NFIC: variants seen among roughly 807,000 people sequenced by gnomAD.
The protein encoded by NFIC is nuclear factor I C, also known as nuclear factor 1 C-type.
In NFIC, 12 loss-of-function variants were observed where a neutral mutation model predicts 54.4. The observed-to-expected ratio is 0.22, with a 90% confidence interval of 0.14 to 0.36. NFIC has a LOEUF of 0.36. NFIC is among the 10% of genes least tolerant of loss of function. The pLI is 1.00. For synonymous variants in NFIC, 322 were observed against 319.2 expected (o/e 1.01, Z -0.09); for missense variants, 575 against 718.2 (o/e 0.80, Z 2.28).
At position 3,453,206 on chromosome 19, in the gene NFIC, C is replaced by G. The variant is rs1463488504; in HGVS notation, c.1269+540C>G. 6.6e-6 allele frequency among the ~76,000 whole-genome samples: 1 copy of G among 151,986 alleles called. No individual in the cohort carries two copies. The highest frequency in any genetic ancestry group is 1.5e-5 in the Non-Finnish European group (1 of 67,976). On this transcript the variant is annotated intron_variant, in intron 8 of 10. Coordinates refer to ENST00000443272, the MANE Select transcript of NFIC (RefSeq NM_001245002.2). The surrounding 1 kb of genome is among the most constrained non-coding windows in gnomAD (Gnocchi z 6.7). Reference sequence around the variant, plus strand: ...GTGAGCTGTGATTGTGCCACTGCACCCCAGCCTGGGTGACAGAACGAGACC... The same window carrying G: ...GTGAGCTGTGATTGTGCCACTGCACGCCAGCCTGGGTGACAGAACGAGACC...
intron 2 of NFIC, among the ~76,000 whole-genome samples, chr19:3,417,092 A>C (rs8106306): frequency 6.7e-6 from 1 of 149,580 alleles, no homozygotes; most frequent in African/African-American, 2.4e-5. Flanking sequence ...TCACCATGTT[A>C]GCCAGGATGG....
At position 3,375,354 on chromosome 19, in the gene NFIC, C is replaced by T. The variant is rs373459722; in HGVS notation, c.31-6358C>T. Among the ~76,000 whole-genome samples the T allele has an allele frequency of 2.6e-5, 4 of 152,198 alleles. No homozygotes were observed. The highest frequency in any genetic ancestry group is 6.5e-5 in the Admixed American group (1 of 15,282). On this transcript the variant is annotated intron_variant, in intron 1 of 10. Transcript: ENST00000443272. The surrounding 1 kb of genome is among the most constrained non-coding windows in gnomAD (Gnocchi z 4.6). ...GCGCCTCTATGGGTCCTCTCTGCCG[C>T]GTCCCACTGTGCCCCCCACCACCCC...
intron 2 of NFIC, among the ~76,000 whole-genome samples, chr19:3,396,911 G>A (rs1418630277): frequency 3.3e-5 from 5 of 152,134 alleles, no homozygotes; most frequent in East Asian, 1.9e-4. Flanking sequence ...AGCTGAGATC[G>A]CGCCATTGCA....
intron 2 of NFIC, among the ~76,000 whole-genome samples, chr19:3,393,513 T>G (rs34780209): frequency 0.26 from 38,833 of 151,438 alleles, 5,725 homozygotes; most frequent in East Asian, 0.41. Flanking sequence ...GACCCAGGGG[T>G]CCAGGAGAAA....
chr19:3,463,905 C>T lies in NFIC; in HGVS notation c.*1136C>T. 1.0e-6 allele frequency: 1 copy of T among 965,952 alleles called. No homozygotes were observed. The highest frequency in any genetic ancestry group is 1.2e-6 in the Non-Finnish European group (1 of 812,526). 59.8% of individuals were successfully genotyped at this position (965,952 alleles called of 1,614,324 possible). ...ACACGGAATGGCCGCGGGCCTCCTC[C>T]CCCTCCCCTCCAGCCTCTCCACCAG... On this transcript the variant is annotated 3_prime_UTR_variant, in exon 11 of 11. Coordinates refer to ENST00000443272, the MANE Select transcript of NFIC (RefSeq NM_001245002.2).
rs764026822 is a variant in NFIC at position 3,452,682 on chromosome 19, C to A, written c.1269+16C>A. 3 of 1,583,426 alleles carry A rather than the reference C, an allele frequency of 1.9e-6. No individual in the cohort carries two copies. Among genetic ancestry groups the A allele is most frequent in the Non-Finnish European group, 2.6e-6 (3 of 1,165,764 alleles). ...ACCTGGACCGGTGAGTTGGGCGGGG[C>A]GCATTCGGGCCTCTCCTGGCGGCTC... On this transcript the variant is annotated intron_variant, in intron 8 of 10. Transcript: ENST00000443272. The surrounding 1 kb of genome is among the most constrained non-coding windows in gnomAD (Gnocchi z 5.3).
Position 3,464,698 on chromosome 19 carries a change from G to C in NFIC, c.*1929G>C. 1 of 985,192 alleles carries C rather than the reference G, an allele frequency of 1.0e-6. No homozygotes were observed. Among genetic ancestry groups the C allele is most frequent in the African/African-American group, 1.7e-5 (1 of 57,146 alleles). The allele number at this position is 985,192 out of a possible 1,614,324, so 61.0% of individuals were successfully genotyped here. A position where few individuals can be genotyped will look rare whatever the true frequency, so the allele number is the denominator to read the frequency against. On this transcript the variant is annotated 3_prime_UTR_variant, in exon 11 of 11. Transcript: ENST00000443272. ...CTCTCCTCCCAAACTAGCCTCAGGA[G>C]CTTGGCGAACCCGCTCGCTCCTAAA...
At chr19:3,395,436 A>G (rs1599607154) in intron 2 of NFIC, among the ~76,000 whole-genome samples, 1 of 150,000 alleles carries the variant, frequency 6.7e-6, no homozygotes, top group African/African-American at 2.5e-5. Flanking sequence ...TGATCCTCCC[A>G]CCTTAGCCTC....
At chr19:3,412,185 C>G (rs540951769) in intron 2 of NFIC, among the ~76,000 whole-genome samples, 1 of 152,322 alleles carries the variant, frequency 6.6e-6, no homozygotes, top group Non-Finnish European at 1.5e-5. Flanking sequence ...TGGGCTCAGA[C>G]GATCCACCCA....
intron 6 of NFIC, among the ~76,000 whole-genome samples, chr19:3,445,413 G>A (rs955572715): frequency 6.6e-6 from 1 of 152,202 alleles, no homozygotes; most frequent in Non-Finnish European, 1.5e-5. Context: ...CTCGATGTCC[G>A]AGGCCTCAGG....
chr19:3,415,708 C>G (rs2024162), intron 2 of NFIC, among the ~76,000 whole-genome samples: 1 of 151,992 alleles, frequency 6.6e-6, no homozygotes, highest in Non-Finnish European at 1.5e-5. Context: ...GCTGCCTTTT[C>G]GTAAATGCTC....
chr19:3,386,377 C>T (rs1487024497), intron 2 of NFIC, among the ~76,000 whole-genome samples: 1 of 131,030 alleles, frequency 7.6e-6, no homozygotes, highest in Non-Finnish European at 1.5e-5. Flanking sequence ...GGCTGGAGTG[C>T]AGTGGCGCGA....
intron 6 of NFIC, among the ~76,000 whole-genome samples, chr19:3,441,255 G>A (rs1352170474): frequency 2.6e-5 from 4 of 152,224 alleles, no homozygotes; most frequent in South Asian, 2.1e-4. Flanking sequence ...AGCGGCAAGC[G>A]GGTGCACAGG....
At chr19:3,385,221 C>T (rs1440027678) in intron 2 of NFIC, among the ~76,000 whole-genome samples, 1 of 151,164 alleles carries the variant, frequency 6.6e-6, no homozygotes, top group Non-Finnish European at 1.5e-5. Flanking sequence ...AACCCTCCCA[C>T]CTGCCCACTG....
At chr19:3,426,357 G>A (rs1301456266) in intron 3 of NFIC, among the ~76,000 whole-genome samples, 1 of 152,232 alleles carries the variant, frequency 6.6e-6, no homozygotes, top group South Asian at 2.1e-4. Context: ...GGGATCATAG[G>A]TGTGAGCCAC....
chr19:3,417,792 AT>A (rs71164696), intron 2 of NFIC, among the ~76,000 whole-genome samples: 2,202 of 132,566 alleles, frequency 0.017, 63 homozygotes, highest in African/African-American at 0.056. Context: ...CGCCCGGCTA[AT>A]TTTTTTTTTT....
At chr19:3,426,353 A>C (rs2082027580) in intron 3 of NFIC, among the ~76,000 whole-genome samples, 2 of 152,144 alleles carry the variant, frequency 1.3e-5, no homozygotes, top group Non-Finnish European at 2.9e-5. Context: ...CGCTGGGATC[A>C]TAGGTGTGAG....
rs954936870 is a variant in NFIC, at chr19:3,458,856, C to T, written c.1509+2221C>T. Among the ~76,000 whole-genome samples the T allele has an allele frequency of 2.0e-5, 3 of 152,072 alleles. No individual in the cohort carries two copies. The highest frequency in any genetic ancestry group is 4.4e-5 in the Non-Finnish European group (3 of 67,996). ...GCACAGAAAGGAGGTGACACATTGT[C>T]AAGAGGCTCTCAGGGGAGCATGGGT... On this transcript the variant is annotated intron_variant, in intron 10 of 10. Coordinates refer to ENST00000443272, the MANE Select transcript of NFIC (RefSeq NM_001245002.2). This position sits in a 1 kb window ranked among gnomAD's most constrained non-coding sequence, Gnocchi z 4.1.
At chr19:3,446,770 G>A (rs889778285) in intron 6 of NFIC, among the ~76,000 whole-genome samples, 2 of 152,136 alleles carry the variant, frequency 1.3e-5, no homozygotes, top group African/African-American at 4.8e-5. Flanking sequence ...TGTGGCTCAC[G>A]CCTGTAATCC....
Sources: allele counts gnomAD v4.1 joint callset (sites outside exome capture counted in the v4.1 genomes callset), GRCh38; gene constraint gnomAD v4.1.1; non-coding constraint Gnocchi (gnomAD v3.1); transcripts MANE v1.5; gene names NCBI Gene and HGNC (gene_info 2026-07-23, HGNC 2026-07-21).